The following SVEP1 variants were observed in gnomAD, a reference collection of about 807,000 sequenced individuals.
SVEP1 encodes the protein sushi, von Willebrand factor type A, EGF and pentraxin domain containing 1.
Under a neutral mutation model 367.3 loss-of-function variants are expected in SVEP1, and 164 were observed. The observed-to-expected ratio is 0.45, with a 90% confidence interval of 0.39 to 0.51. The LOEUF is 0.51. Among genes scored for constraint, SVEP1 ranks in the 20% least tolerant of loss-of-function variants. The pLI is 0.00. For synonymous variants in SVEP1, 1,666 were observed against 1,611.6 expected (o/e 1.03, Z -0.81); for missense variants, 4,117 against 4,425.3 (o/e 0.93, Z 1.98).
intron 40 of SVEP1, among the ~76,000 whole-genome samples, chr9:110,400,072 T>G (rs1396119504): frequency 6.6e-6 from 1 of 152,206 alleles, no homozygotes; most frequent in Non-Finnish European, 1.5e-5. Context: ...GAAGTTGGTA[T>G]TAGTTAAAAC....
intron 44 of SVEP1, 96 bp from the exon 45 acceptor site, chr9:110,377,462 T>A: frequency 9.0e-7 from 1 of 1,110,756 alleles, no homozygotes; most frequent in Non-Finnish European, 1.3e-6. Context: ...ACTATTTCCT[T>A]GAGTCAAGCT....
In SVEP1 at chr9:110,579,630, G is replaced by A; in HGVS notation, c.-87C>T. 1 of 1,413,176 alleles carries A rather than the reference G, an allele frequency of 7.1e-7. No homozygotes were observed. The highest frequency in any genetic ancestry group is 9.2e-7 in the Non-Finnish European group (1 of 1,087,872). 87.5% of individuals were successfully genotyped at this position (1,413,176 alleles called of 1,614,324 possible). A position where few individuals can be genotyped will look rare whatever the true frequency, so the allele number is the denominator to read the frequency against. ...TGGGCGGCCGGACTCGCAGAGGGGC[G>A]TGCGCGGAGCTGGGCGCGGGGCAGC... On this transcript the variant is annotated 5_prime_UTR_variant, in exon 1 of 48. In the 5' UTR this introduces an upstream ATG that the reference lacks. Transcript: ENST00000374469. This position sits in a 1 kb window ranked among gnomAD's most constrained non-coding sequence, Gnocchi z 5.3.
intron 14 of SVEP1, chr9:110,475,950 A>G: frequency 2.8e-6 from 1 of 361,210 alleles, no homozygotes; most frequent in Non-Finnish European, 5.0e-6. Context: ...TTTTACCAGC[A>G]TATGTGACTT....
At chr9:110,552,601 AG>A (rs1830304151) in intron 1 of SVEP1, among the ~76,000 whole-genome samples, 1 of 152,044 alleles carries the variant, frequency 6.6e-6, no homozygotes, top group Non-Finnish European at 1.5e-5. Flanking sequence ...GATGGGAGAC[AG>A]GGACAGAGTG....
intron 5 of SVEP1, among the ~76,000 whole-genome samples, chr9:110,510,164 G>A (rs922637204): frequency 2.0e-5 from 3 of 152,190 alleles, no homozygotes; most frequent in Admixed American, 6.5e-5. Context: ...TCATTGCAAG[G>A]TTCTTGGCTG....
chr9:110,483,542 A>G, intron 10 of SVEP1, 44 bp downstream of exon 10: 1 of 1,423,214 alleles, frequency 7.0e-7, no homozygotes, highest in Non-Finnish European at 9.5e-7. Context: ...AATAAAAAAG[A>G]ATTCATTGCT....
chr9:110,407,927 G>A lies in SVEP1; in HGVS notation c.7673C>T (p.Ser2558Phe). 2 of 1,613,976 alleles carry A rather than the reference G, an allele frequency of 1.2e-6. No homozygotes were observed. Among genetic ancestry groups the A allele is most frequent in the Non-Finnish European group, 1.7e-6 (2 of 1,179,888 alleles). Residue 2558 changes from serine to phenylalanine, a missense_variant, in exon 38 of 48, where the codon TCC (serine) becomes TTC (phenylalanine). Ser to Phe is a radical substitution (Grantham distance 155). This residue lies in a region of SVEP1 where 1,765 missense variants were observed against 1,781.1 expected (regional missense o/e 0.99). Transcript: ENST00000374469. ...AAAACCATTTTCAATGGGTTGTGGG[G>A]AATCACAGTGGATGGCATTGCAAGA... is the stretch of plus-strand genomic sequence containing the variant. The part of the protein sequence containing the change: ...APSCNAIHCD[S>F]PQPIENGFVE...
chr9:110,558,738 A>G (rs762703604), intron 1 of SVEP1, among the ~76,000 whole-genome samples: 17 of 152,144 alleles, frequency 1.1e-4, no homozygotes, highest in Non-Finnish European at 2.4e-4. Context: ...AAAATGCCAG[A>G]AATTCAAATT....
intron 1 of SVEP1, among the ~76,000 whole-genome samples, chr9:110,562,262 AAT>A (rs2118871462): frequency 6.6e-6 from 1 of 152,310 alleles, no homozygotes; most frequent in East Asian, 1.9e-4. Flanking sequence ...TCAGAATCCA[AAT>A]GAAAATTGGA....
chr9:110,423,122 A>T (rs1374839240), intron 36 of SVEP1, among the ~76,000 whole-genome samples: 1 of 141,270 alleles, frequency 7.1e-6, no homozygotes, highest in African/African-American at 2.7e-5. Context: ...GAGTATAATA[A>T]AAAATAATAA....
chr9:110,518,181 G>C (rs1300952928), intron 3 of SVEP1, among the ~76,000 whole-genome samples: 1 of 152,102 alleles, frequency 6.6e-6, no homozygotes, highest in Admixed American at 6.5e-5. Flanking sequence ...CCAGCACTTT[G>C]GGAGGATAAG....
intron 1 of SVEP1, among the ~76,000 whole-genome samples, chr9:110,565,569 G>T (rs980697293): frequency 5.9e-5 from 9 of 152,184 alleles, no homozygotes; most frequent in Admixed American, 2.6e-4. Context: ...TGAGGCAGGA[G>T]ATGCTAGCTG....
intron 3 of SVEP1, among the ~76,000 whole-genome samples, chr9:110,530,455 GTAT>G (rs1830003313): frequency 6.6e-6 from 1 of 152,146 alleles, no homozygotes; most frequent in Non-Finnish European, 1.5e-5. Flanking sequence ...GTATACATAA[GTAT>G]TATAATAACT....
chr9:110,474,022 T>C (rs1829061718), intron 14 of SVEP1, among the ~76,000 whole-genome samples: 1 of 152,210 alleles, frequency 6.6e-6, no homozygotes, highest in South Asian at 2.1e-4. Flanking sequence ...TTTTTTGAGA[T>C]GGAGTTTTGC....
In SVEP1 at chr9:110,379,294, T is replaced by C. The variant is rs921080755; in HGVS notation, c.10408+53A>G. 26 of 1,580,506 alleles carry C rather than the reference T, an allele frequency of 1.6e-5. 1 individual carries two copies. The South Asian group carries it at 2.7e-4, about 17-fold the overall frequency. ...AATTGCTGGACAAATCAGATTTCTATACACATTTCCCTGCAGTTTCACTAA... is the reference window on the plus strand; with the variant it reads ...AATTGCTGGACAAATCAGATTTCTACACACATTTCCCTGCAGTTTCACTAA... On this transcript the variant is annotated intron_variant, in intron 44 of 47. Coordinates refer to ENST00000374469, the MANE Select transcript of SVEP1 (RefSeq NM_153366.4).
intron 3 of SVEP1, 34 bp from the exon 4 acceptor site, chr9:110,514,140 T>TG: frequency 6.3e-7 from 1 of 1,596,906 alleles, no homozygotes; most frequent in South Asian, 1.1e-5. Context: ...GTCCATGTTA[T>TG]GTGGCACATC....
In SVEP1 at chr9:110,408,242, A is replaced by G. The variant is rs755428197; in HGVS notation, c.7358T>C (p.Val2453Ala). The G allele has an allele frequency of 1.9e-6, 3 of 1,614,022 alleles. No homozygotes were observed. Among genetic ancestry groups the G allele is most frequent in the Non-Finnish European group, 2.5e-6 (3 of 1,179,894 alleles). ...TGTGCTGAGATAGGCAAGGCCTTGC[A>G]CATCAATGATTCCATTGGGGATTTC... ...PEEIPNGIID[V>A]QGLAYLSTAL... The change falls in exon 38 of 48, where the codon GTG becomes GCG. Residue 2453 changes from valine (V) to alanine (A), a missense_variant. Coordinates refer to ENST00000374469, the MANE Select transcript of SVEP1 (RefSeq NM_153366.4).
intron 39 of SVEP1, among the ~76,000 whole-genome samples, chr9:110,403,645 A>T (rs922271384): frequency 1.3e-5 from 2 of 151,964 alleles, no homozygotes. Context: ...TTAGGTAAAA[A>T]AAATGTGAAA....
At chr9:110,541,317 T>A (rs989173345) in intron 3 of SVEP1, among the ~76,000 whole-genome samples, 1 of 152,154 alleles carries the variant, frequency 6.6e-6, no homozygotes, top group Admixed American at 6.6e-5. Context: ...TAACATCTGC[T>A]TTCTTCAACA....
Sources: allele counts gnomAD v4.1 joint callset (sites outside exome capture counted in the v4.1 genomes callset), GRCh38; gene constraint gnomAD v4.1.1; regional missense constraint gnomAD v4.1.1; non-coding constraint Gnocchi (gnomAD v3.1); transcripts MANE v1.5; gene names NCBI Gene and HGNC (gene_info 2026-07-23, HGNC 2026-07-21).